Variants in ARFGAP3 observed in about 807,000 individuals in gnomAD.
ARFGAP3 encodes the protein ADP-ribosylation factor GTPase-activating protein 3.
Under a neutral mutation model 75.0 loss-of-function variants are expected in ARFGAP3, and 72 were observed. That is an observed-to-expected ratio of 0.96 (90% CI 0.79 to 1.17). The LOEUF is 1.17. ARFGAP3 is among the 50% of genes most tolerant of loss of function. The pLI is 0.00. For synonymous variants in ARFGAP3, 221 were observed against 217.9 expected, an observed-to-expected ratio of 1.01 and a Z score of -0.13; for missense variants, 620 against 626.6, an observed-to-expected ratio of 0.99 and a Z score of 0.11.
chr22:42,819,534 G>C (rs1254936240), intron 9 of ARFGAP3, among the ~76,000 whole-genome samples: 3 of 152,020 alleles, frequency 2.0e-5, no homozygotes, highest in Admixed American at 6.5e-5. Flanking sequence ...CTTCAGGAGT[G>C]CTTACGGGTA....
intron 12 of ARFGAP3, among the ~76,000 whole-genome samples, chr22:42,809,152 T>C (rs927010176): frequency 2.0e-5 from 3 of 152,222 alleles, no homozygotes; most frequent in Admixed American, 2.0e-4. Context: ...TCAGATCAAC[T>C]GGGTAAACAC....
At chr22:42,818,377 T>G (rs1358730389) in intron 9 of ARFGAP3, among the ~76,000 whole-genome samples, 1 of 152,198 alleles carries the variant, frequency 6.6e-6, no homozygotes, top group African/African-American at 2.4e-5. Flanking sequence ...TACATCTCTA[T>G]GCAATCAGGC....
At chr22:42,811,526 C>T (rs749431075) in intron 11 of ARFGAP3, among the ~76,000 whole-genome samples, 4 of 152,186 alleles carry the variant, frequency 2.6e-5, no homozygotes, top group African/African-American at 4.8e-5. Flanking sequence ...CAATCCCTTC[C>T]GTGTTAAGCA....
Position 42,857,107 on chromosome 22 carries a change from C to T in ARFGAP3, c.69+7G>A, listed in dbSNP as rs531512052. On this transcript the variant is annotated splice_region_variant and intron_variant, in intron 1 of 15. Coordinates refer to ENST00000263245, the MANE Select transcript of ARFGAP3 (RefSeq NM_014570.5). ...CAGGCAGGCCCGCACTCGCCCGCGG[C>T]CGCTACCTTGTTAGTGGGCACCGAG... is the stretch of plus-strand genomic sequence containing the variant. 52 of 1,507,238 alleles carry T rather than the reference C, an allele frequency of 3.5e-5. No individual in the cohort carries two copies. The South Asian group carries it at 5.4e-4, about 16-fold the overall frequency. The allele number at this position is 1,507,238 out of a possible 1,614,324, so 93.4% of individuals were successfully genotyped here.
At chr22:42,831,754 T>C (rs1926299954) in intron 5 of ARFGAP3, 118 bp from the exon 6 acceptor site, 3 of 1,516,998 alleles carry the variant, frequency 2.0e-6, no homozygotes, top group Non-Finnish European at 2.6e-6. Context: ...TCCCTGTTAA[T>C]GGAAAGGAAG....
chr22:42,843,782 A>G (rs1171034488), intron 2 of ARFGAP3, among the ~76,000 whole-genome samples: 1 of 152,172 alleles, frequency 6.6e-6, no homozygotes, highest in African/African-American at 2.4e-5. Context: ...GGCAAACTTG[A>G]GAAAAAACAG....
rs2146541564 is a variant in ARFGAP3, at chr22:42,817,392, A to G, written c.942-128T>C. The G allele has an allele frequency of 5.3e-6, 7 of 1,326,988 alleles. No homozygotes were observed. In the South Asian group the frequency reaches 6.7e-5, roughly 13 times the overall value. 82.2% of individuals were successfully genotyped at this position (1,326,988 alleles called of 1,614,324 possible). A position where few individuals can be genotyped will look rare whatever the true frequency, so the allele number is the denominator to read the frequency against. ...TCGAGGGGTTAAAAACATAAGCAAT[A>G]AAACAATTTTTTTTTCTGGTGCAAG... On this transcript the variant is annotated intron_variant, in intron 10 of 15. Coordinates refer to ENST00000263245, the MANE Select transcript of ARFGAP3 (RefSeq NM_014570.5).
At chr22:42,812,720 T>C (rs781423699) in intron 11 of ARFGAP3, among the ~76,000 whole-genome samples, 1 of 152,222 alleles carries the variant, frequency 6.6e-6, no homozygotes, top group Non-Finnish European at 1.5e-5. Flanking sequence ...TGGTATGATA[T>C]TACATCCTTA....
rs776674676 is a variant in ARFGAP3 at position 42,835,359 on chromosome 22, T to C, written c.393+3A>G. ...GGAAACAATCCAGCCTCCAGTGACT[T>C]ACATCAGTGCCATGCTTCCGTGTTG... is the stretch of plus-strand genomic sequence containing the variant. On this transcript the variant is annotated splice_donor_region_variant and intron_variant, in intron 4 of 15. Coordinates refer to ENST00000263245, the MANE Select transcript of ARFGAP3 (RefSeq NM_014570.5). 2 of 1,613,542 alleles carry C rather than the reference T, an allele frequency of 1.2e-6. No homozygotes were observed. Among genetic ancestry groups the C allele is most frequent in the African/African-American group, 2.7e-5 (2 of 74,890 alleles).
At chr22:42,835,319 G>T in intron 4 of ARFGAP3, 43 bp downstream of exon 4, 2 of 1,595,302 alleles carry the variant, frequency 1.3e-6, no homozygotes, top group South Asian at 1.1e-5. Flanking sequence ...TCTATGAAGT[G>T]AACATGTATC....
intron 2 of ARFGAP3, chr22:42,847,148 G>GA (rs1405855703): frequency 5.1e-6 from 1 of 197,070 alleles, no homozygotes; most frequent in African/African-American, 2.4e-5. Flanking sequence ...TGGCAACACT[G>GA]AAAATCACAT....
chr22:42,857,170 T>C lies in ARFGAP3; in HGVS notation c.13A>G (p.Ser5Gly). Residue 5 changes from serine (S) to glycine (G), a missense_variant, in exon 1 of 16, where the codon AGC becomes GGC. Transcript: ENST00000263245. ...AAGATGGTCAAGATGTCCTGCTTGC[T>C]GGGGTCCCCCATCGTCAGCTGTGAG... MGDP[S>G]KQDILTIFKR... 6.6e-7 allele frequency: 1 copy of C among 1,516,222 alleles called. No individual in the cohort carries two copies. Among genetic ancestry groups the C allele is most frequent in the Non-Finnish European group, 8.9e-7 (1 of 1,129,768 alleles). 93.9% of individuals were successfully genotyped at this position (1,516,222 alleles called of 1,614,324 possible).
chr22:42,847,216 GGA>G, intron 2 of ARFGAP3: 1 of 243,910 alleles, frequency 4.1e-6, no homozygotes. Context: ...CGCCCAGGCT[GGA>G]ATGCAGCGGC....
chr22:42,838,290 A>AT (rs1555899058), intron 3 of ARFGAP3, among the ~76,000 whole-genome samples: 19,871 of 137,072 alleles, frequency 0.14, 2,285 homozygotes, highest in East Asian at 0.35. Context: ...ATATATATAT[A>AT]TTTTTTTTTT....
At chr22:42,837,633 A>C (rs1284097586) in intron 3 of ARFGAP3, among the ~76,000 whole-genome samples, 2 of 149,230 alleles carry the variant, frequency 1.3e-5, no homozygotes, top group African/African-American at 4.9e-5. Flanking sequence ...AAAAAAAAAA[A>C]AAAAAACCAA....
intron 13 of ARFGAP3, among the ~76,000 whole-genome samples, chr22:42,808,366 C>G (rs1246911888): frequency 6.6e-6 from 1 of 150,868 alleles, no homozygotes; most frequent in Non-Finnish European, 1.5e-5. Context: ...CCACTGCACT[C>G]CAGCCTGGGT....
chr22:42,808,942 T>G (rs1302400016), intron 12 of ARFGAP3, 52 bp from the exon 13 acceptor site: 6 of 1,488,772 alleles, frequency 4.0e-6, no homozygotes, highest in Non-Finnish European at 5.4e-6. Context: ...GTGAAGCAAA[T>G]GTGTTTCATA....
chr22:42,823,731 G>A, intron 7 of ARFGAP3, 29 bp from the exon 8 acceptor site: 2 of 1,497,866 alleles, frequency 1.3e-6, no homozygotes, highest in Non-Finnish European at 1.8e-6. Context: ...TAAAAAGTAA[G>A]ACCAATAGAA....
intron 2 of ARFGAP3, among the ~76,000 whole-genome samples, chr22:42,842,168 C>A (rs1009941442): frequency 2.6e-5 from 4 of 151,884 alleles, no homozygotes; most frequent in African/African-American, 9.7e-5. Context: ...CTACGCCCGG[C>A]TAATTTTTGT....
Sources: allele counts gnomAD v4.1 joint callset (sites outside exome capture counted in the v4.1 genomes callset), GRCh38; gene constraint gnomAD v4.1.1; transcripts MANE v1.5; gene names NCBI Gene and HGNC (gene_info 2026-07-23, HGNC 2026-07-21).